EIF3B: variants seen among roughly 807,000 people sequenced by gnomAD.
EIF3B encodes eukaryotic translation initiation factor 3 subunit B.
In EIF3B, 10 loss-of-function variants were observed where a neutral mutation model predicts 104.6. The ratio of observed to expected loss-of-function variants is 0.10; its 90% CI spans 0.06 to 0.16. EIF3B has a LOEUF of 0.16. Ranked by LOEUF, EIF3B falls within the 10% of genes least tolerant of loss-of-function variation. The pLI, the probability that EIF3B is intolerant of heterozygous loss-of-function variation, is 1.00. For synonymous variants in EIF3B, 542 were observed against 417.2 expected (o/e 1.30, Z -3.65); for missense variants, 1,014 against 1,087.9 (o/e 0.93, Z 0.96).
At position 2,354,883 on chromosome 7, in the gene EIF3B, G is replaced by C. The variant is rs1779298800; in HGVS notation, c.-39G>C. ...TGCGGCCTGGGAGAGTCGGAAGCGC[G>C]GCGGCCGCGGAGCCCTGCGAGTAGG... On this transcript the variant is annotated 5_prime_UTR_variant, in exon 1 of 19. Transcript: ENST00000360876. 1 of 1,152,224 alleles carries C rather than the reference G, an allele frequency of 8.7e-7. No homozygotes were observed. Among genetic ancestry groups the C allele is most frequent in the African/African-American group, 1.6e-5 (1 of 60,930 alleles). 71.4% of individuals were successfully genotyped at this position (1,152,224 alleles called of 1,614,324 possible).
At chr7:2,361,576 C>T (rs575548924) in intron 2 of EIF3B, among the ~76,000 whole-genome samples, 9 of 152,104 alleles carry the variant, frequency 5.9e-5, no homozygotes, top group African/African-American at 1.9e-4. Context: ...CCCGCTACCA[C>T]GCCCGGCTAA....
intron 13 of EIF3B, chr7:2,375,072 A>G: frequency 2.5e-6 from 1 of 403,842 alleles, no homozygotes; most frequent in Admixed American, 3.8e-5. Flanking sequence ...CTCTGAGTTA[A>G]AAGAATACCC....
At chr7:2,368,706 A>G (rs973936618) in intron 9 of EIF3B, among the ~76,000 whole-genome samples, 2 of 152,152 alleles carry the variant, frequency 1.3e-5, no homozygotes, top group East Asian at 3.9e-4. Flanking sequence ...TTTTCCTGGT[A>G]CTCTTCCATC....
rs143426217 is a variant in EIF3B at position 2,360,782 on chromosome 7, A to G, written c.572A>G (p.Asn191Ser). Residue 191 changes from asparagine to serine, a missense_variant, in exon 2 of 19, where the codon AAT becomes AGT. Coordinates refer to ENST00000360876, the MANE Select transcript of EIF3B (RefSeq NM_001037283.2). ...ATCGATTCGGTGATTGTAGTGGACA[A>G]TGTCCCTCAGGTGGGACCCGACCGA... is the stretch of plus-strand genomic sequence containing the variant. ...DGIDSVIVVD[N>S]VPQVGPDRLE... 4.2e-3 allele frequency: 6,799 copies of G among 1,613,028 alleles called. 19 individuals are homozygous for G. Among genetic ancestry groups the G allele is most frequent in the Non-Finnish European group, 5.2e-3 (6,096 of 1,179,046 alleles).
At chr7:2,355,820 G>T (rs1471419974) in intron 1 of EIF3B, among the ~76,000 whole-genome samples, 2 of 152,176 alleles carry the variant, frequency 1.3e-5, no homozygotes, top group Non-Finnish European at 2.9e-5. Flanking sequence ...GAGCTGACCA[G>T]TCAGACCTCC....
chr7:2,362,276 C>A (rs905588028), intron 2 of EIF3B, among the ~76,000 whole-genome samples: 2 of 152,012 alleles, frequency 1.3e-5, no homozygotes, highest in Non-Finnish European at 2.9e-5. Context: ...TTTTTTTAAA[C>A]AGCTTTATTG....
At position 2,355,241 on chromosome 7, in the gene EIF3B, C is replaced by A. The variant is rs1034549113; in HGVS notation, c.320C>A (p.Ala107Asp). 3.3e-6 allele frequency: 5 copies of A among 1,522,958 alleles called. No individual in the cohort carries two copies. The highest frequency in any genetic ancestry group is 4.4e-6 in the Non-Finnish European group (5 of 1,142,434). 94.3% of individuals were successfully genotyped at this position (1,522,958 alleles called of 1,614,324 possible). Residue 107 changes from alanine to aspartate, a missense_variant, in exon 1 of 19, where the codon GCC becomes GAC. Around this residue, in one of 4 missense-constraint regions of EIF3B, gnomAD observed 488 missense variants for 404.3 expected, o/e 1.21. Coordinates refer to ENST00000360876, the MANE Select transcript of EIF3B (RefSeq NM_001037283.2). ...AEPPVPAQGE[A>D]PGEQARDERS... ...CCCCCTGTCCCGGCACAGGGCGAGG[C>A]CCCAGGAGAGCAGGCTCGGGACGAG...
chr7:2,354,964 G>T lies in EIF3B; in HGVS notation c.43G>T (p.Glu15Ter). 1 of 1,211,756 alleles carries T rather than the reference G, an allele frequency of 8.3e-7. No homozygotes were observed. The highest frequency in any genetic ancestry group is 2.4e-5 in the South Asian group (1 of 40,928). The allele number at this position is 1,211,756 out of a possible 1,614,324, so 75.1% of individuals were successfully genotyped here. ...ENVAVPEAAE[E>*]RAEPGQQQPA... ...CGTGGCGGTGCCCGAGGCGGCCGAG[G>T]AGCGCGCCGAGCCCGGCCAGCAGCA... is the stretch of plus-strand genomic sequence containing the variant. Residue 15 changes from glutamate to a stop codon, truncating the protein, a stop_gained, in exon 1 of 19, where the codon GAG (glutamate) becomes TAG (stop). Coordinates refer to ENST00000360876, the MANE Select transcript of EIF3B (RefSeq NM_001037283.2). LOFTEE classifies it high-confidence loss of function.
chr7:2,361,011 G>C, intron 2 of EIF3B, 109 bp downstream of exon 2: 1 of 849,854 alleles, frequency 1.2e-6, no homozygotes, highest in Non-Finnish European at 1.8e-6. Flanking sequence ...CAGGCACGTG[G>C]GCCGTTCACT....
At chr7:2,366,665 T>C (rs1780042561) in intron 8 of EIF3B, 74 bp downstream of exon 8, 1 of 1,553,786 alleles carries the variant, frequency 6.4e-7, no homozygotes, top group Non-Finnish European at 8.9e-7. Context: ...CTTTCCTTAT[T>C]TGTGCTAGAA....
At chr7:2,375,748 TGGG>T (rs549324519) in intron 14 of EIF3B, among the ~76,000 whole-genome samples, 1 of 151,706 alleles carries the variant, frequency 6.6e-6, no homozygotes, top group Non-Finnish European at 1.5e-5. Flanking sequence ...TGCGGGGAGG[TGGG>T]GGGTCTTACC....
intron 14 of EIF3B, 182 bp from the exon 15 acceptor site, chr7:2,376,768 G>A: frequency 1.3e-6 from 1 of 792,268 alleles, no homozygotes; most frequent in Non-Finnish European, 1.9e-6. Flanking sequence ...CTCCGGGTCG[G>A]TTGCATAATG....
At chr7:2,356,107 C>T (rs1233037372) in intron 1 of EIF3B, among the ~76,000 whole-genome samples, 3 of 152,140 alleles carry the variant, frequency 2.0e-5, no homozygotes, top group African/African-American at 7.2e-5. Context: ...CCTGAAGCTA[C>T]TTCTGATGAG....
chr7:2,356,163 C>G (rs766344796), intron 1 of EIF3B, among the ~76,000 whole-genome samples: 2 of 152,040 alleles, frequency 1.3e-5, no homozygotes, highest in Non-Finnish European at 2.9e-5. Flanking sequence ...TCTCTTAAGC[C>G]TTTAAGTTGG....
rs546592843 is a variant in EIF3B, at chr7:2,377,170, T to G, written c.2154+95T>G. 16 of 1,462,302 alleles carry G rather than the reference T, an allele frequency of 1.1e-5. No homozygotes were observed. The East Asian group carries it at 3.8e-4, about 35-fold the overall frequency. The allele number at this position is 1,462,302 out of a possible 1,614,324, so 90.6% of individuals were successfully genotyped here. A position where few individuals can be genotyped will look rare whatever the true frequency, so the allele number is the denominator to read the frequency against. On this transcript the variant is annotated intron_variant, in intron 15 of 18. Transcript: ENST00000360876. The stretch of plus-strand genomic sequence containing the variant: ...TTTCTGTTATTGTTAGGGTGGTGAC[T>G]GGGGGATAAAAACGTGACATTTGCA...
chr7:2,375,111 G>T, intron 13 of EIF3B: 1 of 479,670 alleles, frequency 2.1e-6, no homozygotes, highest in Non-Finnish European at 3.8e-6. Flanking sequence ...TTGCTTCATT[G>T]TCCACACTTG....
chr7:2,358,014 C>T lies in EIF3B; in HGVS notation c.499+2594C>T, dbSNP rs554992036. On this transcript the variant is annotated intron_variant, in intron 1 of 18. Coordinates refer to ENST00000360876, the MANE Select transcript of EIF3B (RefSeq NM_001037283.2). ...GCAGTGACTGGCAACTGCCTTTTTC[C>T]CTTTTTTTTTCTCTTGTTCGTCTCA... Among the ~76,000 whole-genome samples, 18 of 65,538 alleles carry T rather than the reference C, an allele frequency of 2.7e-4. No individual in the cohort carries two copies. In the South Asian group the frequency reaches 3.1e-3, roughly 11 times the overall value. 43.0% of individuals were successfully genotyped at this position (65,538 alleles called of 152,430 possible). A position where few individuals can be genotyped will look rare whatever the true frequency, so the allele number is the denominator to read the frequency against.
intron 1 of EIF3B, among the ~76,000 whole-genome samples, chr7:2,357,983 G>A (rs770521980): frequency 6.6e-6 from 1 of 150,384 alleles, no homozygotes; most frequent in South Asian, 2.1e-4. Flanking sequence ...CAGGGTGTCC[G>A]GCACTGCAGT....
chr7:2,362,561 G>C, intron 2 of EIF3B, 84 bp from the exon 3 acceptor site: 2 of 1,561,540 alleles, frequency 1.3e-6, no homozygotes, highest in Non-Finnish European at 1.8e-6. Context: ...CCGAGGGCTT[G>C]TCCGTGGAGA....
Sources: allele counts gnomAD v4.1 joint callset (sites outside exome capture counted in the v4.1 genomes callset), GRCh38; gene constraint gnomAD v4.1.1; regional missense constraint gnomAD v4.1.1; transcripts MANE v1.5; gene names NCBI Gene and HGNC (gene_info 2026-07-23, HGNC 2026-07-21).